Variants in TEX9 observed in about 807,000 individuals in gnomAD.
The protein encoded by TEX9 is testis-expressed protein 9.
Under a neutral mutation model 59.6 loss-of-function variants are expected in TEX9, and 74 were observed. The observed-to-expected ratio is 1.24, with a 90% CI of 1.03 to 1.51. The LOEUF (loss-of-function observed/expected upper bound fraction) is 1.51, where lower values mean the gene tolerates loss of function less well. Ranked by LOEUF, TEX9 falls within the 40% of genes most tolerant of loss-of-function variation. The probability of loss-of-function intolerance (pLI) is 0.00; values close to 1 mark genes in which losing one functional copy is unlikely to be tolerated. For synonymous variants in TEX9, 186 were observed against 152.2 expected, an observed-to-expected ratio of 1.22 and a Z score of -1.64; for missense variants, 522 against 447.8, an observed-to-expected ratio of 1.17 and a Z score of -1.49.
At chr15:56,346,025 G>A (rs1376154848) in intron 1 of TEX9, among the ~76,000 whole-genome samples, 1 of 152,166 alleles carries the variant, frequency 6.6e-6, no homozygotes, top group Admixed American at 6.5e-5. Flanking sequence ...TGGGAATCAG[G>A]ATACATGGCA....
At chr15:56,276,531 G>A (rs905272654) in intron 1 of TEX9, among the ~76,000 whole-genome samples, 35 of 152,154 alleles carry the variant, frequency 2.3e-4, no homozygotes, top group African/African-American at 8.4e-4. Context: ...TGGTTGAATA[G>A]TATTCCATGG....
At chr15:56,254,700 AAG>A (rs1439236534) in intron 1 of TEX9, among the ~76,000 whole-genome samples, 2 of 151,788 alleles carry the variant, frequency 1.3e-5, no homozygotes, top group Non-Finnish European at 2.9e-5. Context: ...TACCTAACGA[AAG>A]AGAGTTTATA....
At chr15:56,456,621 C>A in the TEX9 span, 2 of 1,135,356 alleles carry the variant, frequency 1.8e-6, no homozygotes, top group Non-Finnish European at 2.5e-6. Context: ...GCCTTAAGGC[C>A]AACAATTGAT....
At chr15:56,252,379 C>CTTTTTTTTTT (rs3050136) in intron 1 of TEX9, among the ~76,000 whole-genome samples, 16 of 119,706 alleles carry the variant, frequency 1.3e-4, no homozygotes, top group East Asian at 5.0e-4. Flanking sequence ...TTAGAAAAAC[C>CTTTTTTTTTT]TTTTTTTTTT....
intron 1 of TEX9, among the ~76,000 whole-genome samples, chr15:56,343,327 A>G (rs573534135): frequency 1.1e-4 from 16 of 152,214 alleles, no homozygotes; most frequent in Non-Finnish European, 2.1e-4. Flanking sequence ...TAACTTTCAA[A>G]TAAACTATAA....
chr15:56,317,952 A>G (rs1223541904), intron 1 of TEX9, among the ~76,000 whole-genome samples: 23 of 152,228 alleles, frequency 1.5e-4, no homozygotes, highest in Admixed American at 1.0e-3. Context: ...GAGAATGTGT[A>G]TATCACTGTT....
At chr15:56,264,995 G>C (rs1336010625) in intron 1 of TEX9, among the ~76,000 whole-genome samples, 1 of 152,098 alleles carries the variant, frequency 6.6e-6, no homozygotes, top group African/African-American at 2.4e-5. Context: ...CTCTGTCTTG[G>C]TTACTTGATT....
chr15:56,364,125 A>G (rs1054795168), upstream of TEX9, among the ~76,000 whole-genome samples: 1 of 151,782 alleles, frequency 6.6e-6, no homozygotes, highest in African/African-American at 2.4e-5. Flanking sequence ...AGTTTTGATA[A>G]TGTCTAGTTT....
At chr15:56,452,129 G>C in the TEX9 span, among the ~76,000 whole-genome samples, 20 of 152,116 alleles carry the variant, frequency 1.3e-4, no homozygotes, top group African/African-American at 3.6e-4. Context: ...TTCTGTGTTG[G>C]GGGTTCCCAA....
chr15:56,317,123 C>A (rs373570385), intron 1 of TEX9, among the ~76,000 whole-genome samples: 14 of 152,196 alleles, frequency 9.2e-5, no homozygotes, highest in African/African-American at 1.4e-4. Context: ...GCGTCGCTCA[C>A]GCTGGGAGCT....
intron 10 of TEX9, among the ~76,000 whole-genome samples, chr15:56,427,389 T>C (rs2140287745): frequency 6.6e-6 from 1 of 152,298 alleles, no homozygotes; most frequent in East Asian, 1.9e-4. Flanking sequence ...AGAACTGAGT[T>C]ATTTTAAAAA....
chr15:56,322,499 C>T (rs1266448979), intron 1 of TEX9, among the ~76,000 whole-genome samples: 1 of 152,084 alleles, frequency 6.6e-6, no homozygotes, highest in Non-Finnish European at 1.5e-5. Flanking sequence ...CAACCAGAAT[C>T]CTGTCTCATC....
chr15:56,265,016 T>G (rs1431742429), intron 1 of TEX9, among the ~76,000 whole-genome samples: 1 of 152,220 alleles, frequency 6.6e-6, no homozygotes, highest in Non-Finnish European at 1.5e-5. Flanking sequence ...ATAGTAAATC[T>G]TGAAATCTTG....
At chr15:56,383,539 T>G (rs1470486140) in intron 3 of TEX9, among the ~76,000 whole-genome samples, 1 of 152,220 alleles carries the variant, frequency 6.6e-6, no homozygotes, top group African/African-American at 2.4e-5. Flanking sequence ...ACTTTTAGCA[T>G]CTTCACAGTC....
intron 12 of TEX9, among the ~76,000 whole-genome samples, chr15:56,434,610 A>G (rs1339354182): frequency 6.6e-6 from 1 of 152,116 alleles, no homozygotes; most frequent in South Asian, 2.1e-4. Flanking sequence ...CTCATGAACA[A>G]ATTTTAATTT....
chr15:56,273,179 T>A (rs2044589149), intron 1 of TEX9, among the ~76,000 whole-genome samples: 1 of 152,142 alleles, frequency 6.6e-6, no homozygotes, highest in South Asian at 2.1e-4. Flanking sequence ...GGTCTTGAAC[T>A]CCTGACCTTG....
At chr15:56,308,529 T>C (rs2045533776) in intron 1 of TEX9, among the ~76,000 whole-genome samples, 1 of 152,212 alleles carries the variant, frequency 6.6e-6, no homozygotes, top group African/African-American at 2.4e-5. Flanking sequence ...TTCTTGATGA[T>C]GTCCTTTGAA....
intron 1 of TEX9, among the ~76,000 whole-genome samples, chr15:56,330,741 TAAG>T (rs1260517948): frequency 2.0e-5 from 3 of 150,078 alleles, no homozygotes; most frequent in Admixed American, 6.6e-5. Flanking sequence ...AAAAGGAAGA[TAAG>T]AAAGAAGAGA....
chr15:56,360,840 C>T (rs2046775774), upstream of TEX9, among the ~76,000 whole-genome samples: 1 of 152,172 alleles, frequency 6.6e-6, no homozygotes, highest in South Asian at 2.1e-4. Flanking sequence ...AACCTTTATA[C>T]TCCGGGGCCC....
Sources: gnomAD v4.1 joint callset for allele counts (sites outside exome capture counted in the v4.1 genomes callset) on GRCh38, gnomAD v4.1.1 for gene constraint, MANE v1.5 for transcripts, NCBI Gene and HGNC (gene_info 2026-07-23, HGNC 2026-07-21) for gene names.